SCN1A: variants seen among roughly 807,000 people sequenced by gnomAD.
The protein encoded by SCN1A is sodium channel protein type 1 subunit alpha.
Under a neutral mutation model 193.7 loss-of-function variants are expected in SCN1A, and 13 were observed. The observed-to-expected ratio is 0.07, with a 90% CI of 0.04 to 0.11. The LOEUF (loss-of-function observed/expected upper bound fraction) is 0.11, where lower values mean the gene tolerates loss of function less well. SCN1A is among the 10% of genes least tolerant of loss of function. The pLI is 1.00. For missense variants in SCN1A, 1,432 were observed against 2,451.1 expected (o/e 0.58, Z 8.78); for synonymous variants, 781 against 843.6 (o/e 0.93, Z 1.29).
chr2:166,066,536 G>A (rs182225011), intron 4 of SCN1A, among the ~76,000 whole-genome samples: 47 of 152,200 alleles, frequency 3.1e-4, no homozygotes, highest in Middle Eastern at 3.4e-3. Context: ...TTTAAAATGC[G>A]TCTCTGTATT....
chr2:166,059,105 C>T (rs150667686), intron 4 of SCN1A, among the ~76,000 whole-genome samples: 160 of 152,126 alleles, frequency 1.1e-3, no homozygotes, highest in African/African-American at 3.1e-3. Context: ...TCCTGTGGAA[C>T]GCAAAATCAT....
chr2:166,031,993 G>A (rs1411821834), intron 19 of SCN1A, among the ~76,000 whole-genome samples: 1 of 152,018 alleles, frequency 6.6e-6, no homozygotes, highest in Non-Finnish European at 1.5e-5. Context: ...AGAATAAACA[G>A]TGGGCACTTG....
chr2:165,990,029 A>C lies in SCN1A; in HGVS notation c.*1216T>G, dbSNP rs536992862. ...CAATTTCCTTGACTTTACCACTGAC[A>C]TATGGTTTCTCATAAATGAGATTCT... On this transcript the variant is annotated 3_prime_UTR_variant, in exon 29 of 29. Coordinates refer to ENST00000674923, the MANE Select transcript of SCN1A (RefSeq NM_001165963.4). The C allele has an allele frequency of 3.3e-5, 5 of 152,734 alleles. No homozygotes were observed. In the South Asian group the frequency reaches 1.0e-3, roughly 32 times the overall value. 9.5% of individuals were successfully genotyped at this position (152,734 alleles called of 1,614,324 possible).
chr2:166,002,805 A>G, intron 23 of SCN1A, 52 bp from the exon 24 acceptor site: 1 of 1,512,326 alleles, frequency 6.6e-7, no homozygotes, highest in Non-Finnish European at 8.9e-7. Context: ...CTGTTAATAA[A>G]GAAAAAAAAT....
At chr2:166,099,458 G>T (rs1188762470) in intron 2 of SCN1A, among the ~76,000 whole-genome samples, 3 of 136,008 alleles carry the variant, frequency 2.2e-5, no homozygotes, top group African/African-American at 8.3e-5. Context: ...GCACAAGGCA[G>T]GGATGCCCTC....
intron 2 of SCN1A, among the ~76,000 whole-genome samples, chr2:166,125,641 G>T (rs750035639): frequency 1.3e-5 from 2 of 152,154 alleles, no homozygotes; most frequent in Non-Finnish European, 2.9e-5. Flanking sequence ...GGATTCCTCT[G>T]TTGGTGGTGA....
intron 24 of SCN1A, among the ~76,000 whole-genome samples, chr2:166,001,175 A>T (rs1313750494): frequency 6.6e-6 from 1 of 151,628 alleles, no homozygotes. Context: ...GTCTTTAGAG[A>T]CAAGGTCTCA....
chr2:166,115,625 A>G (rs1689768267), intron 2 of SCN1A, among the ~76,000 whole-genome samples: 1 of 152,240 alleles, frequency 6.6e-6, no homozygotes, highest in Non-Finnish European at 1.5e-5. Flanking sequence ...GCATATTTCT[A>G]CAAAAACAGT....
intron 1 of SCN1A, among the ~76,000 whole-genome samples, chr2:166,147,701 G>T (rs1692379328): frequency 6.6e-6 from 1 of 152,028 alleles, no homozygotes; most frequent in African/African-American, 2.4e-5. Flanking sequence ...CAGGCCCCGA[G>T]GGACCATAAT....
At chr2:166,101,646 TA>T (rs1688097079) in intron 2 of SCN1A, among the ~76,000 whole-genome samples, 1 of 151,928 alleles carries the variant, frequency 6.6e-6, no homozygotes, top group Non-Finnish European at 1.5e-5. Flanking sequence ...CCCTGTTAAA[TA>T]AACTGTGCTG....
chr2:166,000,895 G>GTT (rs35503358), intron 24 of SCN1A, among the ~76,000 whole-genome samples: 44 of 139,554 alleles, frequency 3.2e-4, no homozygotes, highest in East Asian at 1.4e-3. Flanking sequence ...ATTTTAGAGG[G>GTT]TTTTTTTTTT....
intron 20 of SCN1A, 80 bp from the exon 21 acceptor site, chr2:166,013,978 T>C: frequency 6.6e-7 from 1 of 1,508,760 alleles, no homozygotes; most frequent in African/African-American, 1.4e-5. Context: ...TGTCTTGTCT[T>C]TTTATTACTA....
chr2:166,029,000 G>A (rs1559177304), intron 19 of SCN1A, among the ~76,000 whole-genome samples: 1 of 152,106 alleles, frequency 6.6e-6, no homozygotes, highest in Non-Finnish European at 1.5e-5. Flanking sequence ...GGTGAAGCAG[G>A]ATAGAGTAAG....
intron 5 of SCN1A, 63 bp from the exon 6 acceptor site, chr2:166,056,563 C>A: frequency 7.9e-7 from 1 of 1,268,748 alleles, no homozygotes; most frequent in Non-Finnish European, 1.2e-6. Context: ...TTACAAAAAG[C>A]TAACATTGAA....
At chr2:166,098,546 G>A (rs573929208) in intron 2 of SCN1A, among the ~76,000 whole-genome samples, 4 of 152,194 alleles carry the variant, frequency 2.6e-5, no homozygotes, top group East Asian at 1.9e-4. Context: ...ATCCAAATAC[G>A]AAGAGAGGAA....
chr2:166,041,534 C>A, intron 15 of SCN1A, 65 bp from the exon 16 acceptor site: 1 of 1,035,506 alleles, frequency 9.7e-7, no homozygotes, highest in South Asian at 1.4e-5. Context: ...ACATTTATTT[C>A]ATATCCACTA....
At chr2:166,107,049 T>A (rs940860289) in intron 2 of SCN1A, among the ~76,000 whole-genome samples, 6 of 152,186 alleles carry the variant, frequency 3.9e-5, no homozygotes, top group Non-Finnish European at 7.4e-5. Context: ...ACATTTTATT[T>A]ATATTCATCA....
chr2:165,991,366 G>GTAAT lies in SCN1A; in HGVS notation c.5905_5908dup (p.Thr1970AsnfsTer6). ...GGACATGGTCAGATCAGTTTTTTCTGTAATAGAGTTTTCATTTATTCTGTC... is the reference window on the plus strand; with the variant it reads ...GGACATGGTCAGATCAGTTTTTTCTGTAATTAATAGAGTTTTCATTTATTCTGTC... On this transcript the variant is annotated frameshift_variant, in exon 29 of 29. Transcript: ENST00000674923. LOFTEE classifies it high-confidence loss of function. 6.2e-7 allele frequency: 1 copy of GTAAT among 1,613,356 alleles called. No individual in the cohort carries two copies.
chr2:166,148,666 A>G (rs115370186), intron 1 of SCN1A, among the ~76,000 whole-genome samples: 1,935 of 152,288 alleles, frequency 0.013, 46 homozygotes, highest in African/African-American at 0.043. Flanking sequence ...ACTCACTTAC[A>G]AGGGAAGCAA....
Sources: allele counts gnomAD v4.1 joint callset (sites outside exome capture counted in the v4.1 genomes callset), GRCh38; gene constraint gnomAD v4.1.1; transcripts MANE v1.5; gene names NCBI Gene and HGNC (gene_info 2026-07-23, HGNC 2026-07-21).